PLCL1: variants seen among roughly 807,000 people sequenced by gnomAD.
PLCL1 encodes inactive phospholipase C-like protein 1.
A neutral mutation model predicts 84.4 loss-of-function variants in PLCL1; 41 were observed. That is an observed-to-expected ratio of 0.49 (90% CI 0.38 to 0.63). PLCL1 has a LOEUF of 0.63. Ranked by LOEUF, PLCL1 falls within the 30% of genes least tolerant of loss-of-function variation. PLCL1 has a pLI of 0.00. For missense variants in PLCL1, 1,206 were observed against 1,367.8 expected (o/e 0.88, Z 1.87); for synonymous variants, 490 against 488.3 (o/e 1.00, Z -0.05).
chr2:197,834,524 T>C (rs564466516), intron 1 of PLCL1, among the ~76,000 whole-genome samples: 68 of 152,350 alleles, frequency 4.5e-4, no homozygotes, highest in Non-Finnish European at 1.5e-5. Flanking sequence ...AAGACATTTA[T>C]GTGGCCAACA....
intron 3 of PLCL1, among the ~76,000 whole-genome samples, chr2:198,094,907 C>T (rs906925502): frequency 3.3e-5 from 5 of 152,102 alleles, no homozygotes; most frequent in African/African-American, 1.2e-4. Context: ...GCAGAGATGA[C>T]TTTGCTGATA....
chr2:197,831,840 A>C (rs561938838), intron 1 of PLCL1, among the ~76,000 whole-genome samples: 1 of 152,362 alleles, frequency 6.6e-6, no homozygotes, highest in African/African-American at 2.4e-5. Flanking sequence ...AGTGCAATCA[A>C]ATTAGAACTC....
chr2:198,116,960 A>G (rs577309454), intron 5 of PLCL1, among the ~76,000 whole-genome samples: 1 of 152,040 alleles, frequency 6.6e-6, no homozygotes, highest in South Asian at 2.1e-4. Context: ...TTGCTTTACA[A>G]TGTATTCCAG....
intron 1 of PLCL1, among the ~76,000 whole-genome samples, chr2:197,949,355 C>T (rs1304987757): frequency 6.6e-6 from 1 of 152,094 alleles, no homozygotes; most frequent in East Asian, 1.9e-4. Flanking sequence ...GATGCTGTAT[C>T]TGAAGGTTAT....
At position 198,101,495 on chromosome 2, in the gene PLCL1, A is replaced by G. The variant is rs1315452271; in HGVS notation, c.2995+135A>G. 6 of 605,214 alleles carry G rather than the reference A, an allele frequency of 9.9e-6. No individual in the cohort carries two copies. In the South Asian group the frequency reaches 1.0e-4, roughly 11 times the overall value. 37.5% of individuals were successfully genotyped at this position (605,214 alleles called of 1,614,324 possible). On this transcript the variant is annotated intron_variant, in intron 4 of 5. Coordinates refer to ENST00000428675, the MANE Select transcript of PLCL1 (RefSeq NM_006226.4). Reference sequence around the variant, plus strand: ...AGTTATTTTATAGCAATGCTTAACTATACTTTAAGTTACACTTTAGTCTTT... The same window carrying G: ...AGTTATTTTATAGCAATGCTTAACTGTACTTTAAGTTACACTTTAGTCTTT...
intron 1 of PLCL1, among the ~76,000 whole-genome samples, chr2:197,821,952 T>C (rs1690825649): frequency 1.3e-5 from 2 of 152,162 alleles, no homozygotes; most frequent in Admixed American, 1.3e-4. Context: ...TCACATTGTT[T>C]AACCTGGTTA....
chr2:198,098,685 A>C (rs1483643967), intron 3 of PLCL1, among the ~76,000 whole-genome samples: 1 of 152,186 alleles, frequency 6.6e-6, no homozygotes, highest in East Asian at 1.9e-4. Context: ...AATCTATGCA[A>C]GATTTTTGAG....
At chr2:198,120,945 A>T (rs1254403212) in intron 5 of PLCL1, among the ~76,000 whole-genome samples, 2 of 152,062 alleles carry the variant, frequency 1.3e-5, no homozygotes, top group African/African-American at 4.8e-5. Context: ...ACAGTGTATG[A>T]GGGTTCCCTT....
intron 5 of PLCL1, among the ~76,000 whole-genome samples, chr2:198,146,262 G>A (rs1425357418): frequency 1.3e-5 from 2 of 152,156 alleles, no homozygotes; most frequent in Non-Finnish European, 2.9e-5. Context: ...CAGATTGCAA[G>A]GATGACCCAG....
chr2:197,908,193 C>T (rs1020478837), intron 1 of PLCL1, among the ~76,000 whole-genome samples: 1 of 152,086 alleles, frequency 6.6e-6, no homozygotes, highest in Non-Finnish European at 1.5e-5. Context: ...TAGTTTTGAA[C>T]GAGAGAATTT....
chr2:197,864,104 G>A (rs1268679097), intron 1 of PLCL1, among the ~76,000 whole-genome samples: 1 of 152,136 alleles, frequency 6.6e-6, no homozygotes, highest in South Asian at 2.1e-4. Context: ...AATAGATCAT[G>A]CCAGGTAAAC....
chr2:197,923,942 G>A (rs1307233385), intron 1 of PLCL1, among the ~76,000 whole-genome samples: 2 of 151,360 alleles, frequency 1.3e-5, no homozygotes, highest in East Asian at 2.0e-4. Flanking sequence ...GATCACTCGC[G>A]GTTAGGGGCT....
At chr2:198,029,444 T>C (rs35801426) in intron 1 of PLCL1, among the ~76,000 whole-genome samples, 10,898 of 152,290 alleles carry the variant, frequency 0.072, 516 homozygotes, top group Non-Finnish European at 0.11. Flanking sequence ...GATGGCATTC[T>C]CTTTGGGATC....
intron 1 of PLCL1, among the ~76,000 whole-genome samples, chr2:197,971,495 C>T (rs937115827): frequency 5.9e-5 from 9 of 152,124 alleles, no homozygotes; most frequent in African/African-American, 1.4e-4. Flanking sequence ...GAGTTATGGA[C>T]GGATGCATAC....
Position 198,084,351 on chromosome 2 carries a change from C to T in PLCL1, c.834C>T (p.Ala278=), listed in dbSNP as rs1692799478. 6.2e-7 allele frequency: 1 copy of T among 1,614,016 alleles called. No homozygotes were observed. Among genetic ancestry groups the T allele is most frequent in the Non-Finnish European group, 8.5e-7 (1 of 1,179,910 alleles). Residue 278 remains alanine, a synonymous_variant, in exon 2 of 6, where the codon GCC becomes GCT. Transcript: ENST00000428675. ...IKQLNPTLKE[A]KIRLKFKEIQ... is the part of the protein sequence containing the mutation. ...AACTCAACCCTACTCTGAAGGAAGC[C>T]AAGATCAGGTTAAAGTTTAAAGAAA...
chr2:197,805,031 G>A lies in PLCL1; in HGVS notation c.-69G>A, dbSNP rs1229646184. The A allele has an allele frequency of 7.1e-7, 1 of 1,406,516 alleles. No homozygotes were observed. The highest frequency in any genetic ancestry group is 2.6e-4 in the Middle Eastern group (1 of 3,918). The allele number at this position is 1,406,516 out of a possible 1,614,324, so 87.1% of individuals were successfully genotyped here. A position where few individuals can be genotyped will look rare whatever the true frequency, so the allele number is the denominator to read the frequency against. On this transcript the variant is annotated 5_prime_UTR_variant, in exon 1 of 6. It adds an upstream start codon to the 5' untranslated region. Transcript: ENST00000428675. This position sits in a 1 kb window ranked among gnomAD's most constrained non-coding sequence, Gnocchi z 4.0. The stretch of plus-strand genomic sequence containing the variant: ...CGCCTCCCGGTGCAGGAGCGCACCG[G>A]TGCCTAGCGGCTGGACTCCGCTGCC...
At position 197,805,199 on chromosome 2, in the gene PLCL1, G is replaced by A. The variant is rs192178250; in HGVS notation, c.100G>A (p.Val34Met). 1,365 of 1,276,922 alleles carry A rather than the reference G, an allele frequency of 1.1e-3. 14 individuals carry two copies. In the African/African-American group the frequency reaches 0.019, roughly 17 times the overall value. The allele number at this position is 1,276,922 out of a possible 1,614,324, so 79.1% of individuals were successfully genotyped here. A position where few individuals can be genotyped will look rare whatever the true frequency, so the allele number is the denominator to read the frequency against. ...GGGCCCGGATGCCGCCGGGGACTGCGTGACGGCGGCCTCTGGGGGCCGGAT... is the reference window on the plus strand; with the variant it reads ...GGGCCCGGATGCCGCCGGGGACTGCATGACGGCGGCCTCTGGGGGCCGGAT... ...RVGPDAAGDC[V>M]TAASGGRMRD... Residue 34 changes from valine to methionine, a missense_variant, in exon 1 of 6, where the codon GTG (valine) becomes ATG (methionine). Transcript: ENST00000428675. The surrounding 1 kb of genome is among the most constrained non-coding windows in gnomAD (Gnocchi z 4.0).
intron 1 of PLCL1, among the ~76,000 whole-genome samples, chr2:197,962,155 A>G (rs1689636279): frequency 2.6e-5 from 4 of 152,038 alleles, no homozygotes. Flanking sequence ...AAACATCTCT[A>G]AACACAAAAG....
At chr2:198,056,314 C>T (rs1692071398) in intron 1 of PLCL1, among the ~76,000 whole-genome samples, 1 of 152,018 alleles carries the variant, frequency 6.6e-6, no homozygotes, top group South Asian at 2.1e-4. Flanking sequence ...TGTTCCCCTC[C>T]CCCCCATAAG....
Sources: allele counts gnomAD v4.1 joint callset (sites outside exome capture counted in the v4.1 genomes callset), GRCh38; gene constraint gnomAD v4.1.1; non-coding constraint Gnocchi (gnomAD v3.1); transcripts MANE v1.5; gene names NCBI Gene and HGNC (gene_info 2026-07-23, HGNC 2026-07-21).